CACNB2: variants seen among roughly 807,000 people sequenced by gnomAD.
CACNB2 encodes calcium voltage-gated channel auxiliary subunit beta 2, also known as voltage-dependent L-type calcium channel subunit beta-2.
Under a neutral mutation model 73.3 loss-of-function variants are expected in CACNB2, and 42 were observed. That is an observed-to-expected ratio of 0.57 (90% CI 0.45 to 0.74). The LOEUF is 0.74. Among genes scored for constraint, CACNB2 ranks in the 30% least tolerant of loss-of-function variants. The probability of loss-of-function intolerance (pLI) is 0.00; values close to 1 mark genes in which losing one functional copy is unlikely to be tolerated. For missense variants in CACNB2, 940 were observed against 853.0 expected, an observed-to-expected ratio of 1.10 and a Z score of -1.27; for synonymous variants, 348 against 310.3, an observed-to-expected ratio of 1.12 and a Z score of -1.28.
At chr10:18,195,068 A>T (rs983384632) in intron 2 of CACNB2, among the ~76,000 whole-genome samples, 1 of 152,206 alleles carries the variant, frequency 6.6e-6, no homozygotes, top group Non-Finnish European at 1.5e-5. Context: ...TAATGAAGAT[A>T]TGGCATTTCT....
At chr10:18,152,722 A>C (rs1241097729) in intron 2 of CACNB2, among the ~76,000 whole-genome samples, 5 of 133,630 alleles carry the variant, frequency 3.7e-5, no homozygotes, top group South Asian at 2.3e-4. Flanking sequence ...AAAAAAAAAA[A>C]AAAAAAAAAA....
chr10:18,404,514 T>C (rs1317182493), intron 3 of CACNB2, among the ~76,000 whole-genome samples: 1 of 152,254 alleles, frequency 6.6e-6, no homozygotes, highest in Admixed American at 6.5e-5. Context: ...AAAAACACTT[T>C]GCACAGCCAT....
chr10:18,472,683 T>A (rs891394719), intron 3 of CACNB2, among the ~76,000 whole-genome samples: 3 of 152,218 alleles, frequency 2.0e-5, no homozygotes, highest in African/African-American at 7.2e-5. Context: ...GTTTTAAAAT[T>A]GTGTCTGATA....
intron 2 of CACNB2, among the ~76,000 whole-genome samples, chr10:18,389,431 G>T (rs867316805): frequency 6.6e-6 from 1 of 152,174 alleles, no homozygotes; most frequent in Admixed American, 6.5e-5. Context: ...GAGTCACTGT[G>T]CCTTGCCTCT....
chr10:18,193,005 G>A (rs547629901), intron 2 of CACNB2, among the ~76,000 whole-genome samples: 226 of 152,172 alleles, frequency 1.5e-3, no homozygotes, highest in African/African-American at 4.9e-3. Context: ...GGATATATAC[G>A]TAGAAATAGA....
intron 2 of CACNB2, among the ~76,000 whole-genome samples, chr10:18,370,234 A>C (rs989275734): frequency 1.3e-5 from 2 of 152,218 alleles, no homozygotes; most frequent in African/African-American, 2.4e-5. Context: ...TGCTCCCTGC[A>C]CCAGGAGTGC....
intron 9 of CACNB2, among the ~76,000 whole-genome samples, chr10:18,526,188 C>T (rs1345490426): frequency 6.6e-6 from 1 of 152,172 alleles, no homozygotes; most frequent in Non-Finnish European, 1.5e-5. Context: ...ATCTTTGGGT[C>T]CTTACAATTT....
At chr10:18,199,461 C>T (rs1827931286) in intron 2 of CACNB2, among the ~76,000 whole-genome samples, 1 of 152,042 alleles carries the variant, frequency 6.6e-6, no homozygotes, top group Non-Finnish European at 1.5e-5. Context: ...CCCGAGATGA[C>T]ATGGGGCAGA....
chr10:18,537,077 T>C (rs1415950338), intron 12 of CACNB2, among the ~76,000 whole-genome samples: 1 of 152,080 alleles, frequency 6.6e-6, no homozygotes, highest in African/African-American at 2.4e-5. Context: ...AACCTCTGCC[T>C]CCCGGGCTCA....
chr10:18,412,813 T>TC (rs2044710250), intron 3 of CACNB2, among the ~76,000 whole-genome samples: 1 of 152,224 alleles, frequency 6.6e-6, no homozygotes, highest in Non-Finnish European at 1.5e-5. Context: ...GTCATTGGTT[T>TC]CCAGACTGAG....
At chr10:18,276,269 T>C (rs1445923470) in intron 2 of CACNB2, among the ~76,000 whole-genome samples, 4 of 152,306 alleles carry the variant, frequency 2.6e-5, no homozygotes, top group African/African-American at 7.2e-5. Context: ...GCCAATCTTA[T>C]TGGAAACGTC....
At chr10:18,376,737 G>A (rs1020786969) in intron 2 of CACNB2, among the ~76,000 whole-genome samples, 6 of 152,136 alleles carry the variant, frequency 3.9e-5, no homozygotes, top group African/African-American at 1.4e-4. Context: ...CCAGCTCGGA[G>A]GAGGGTTATC....
chr10:18,425,294 T>C (rs2045537927), intron 3 of CACNB2, among the ~76,000 whole-genome samples: 1 of 152,226 alleles, frequency 6.6e-6, no homozygotes, highest in Non-Finnish European at 1.5e-5. Flanking sequence ...GTCACATTTA[T>C]ATAGCATTCT....
chr10:18,459,055 G>A (rs1048320170), intron 3 of CACNB2, among the ~76,000 whole-genome samples: 14 of 152,134 alleles, frequency 9.2e-5, no homozygotes, highest in Admixed American at 2.0e-4. Context: ...GCGAGCCACT[G>A]CACCTGGCCC....
At chr10:18,536,478 TCTAGAA>T (rs2133308714) in intron 12 of CACNB2, among the ~76,000 whole-genome samples, 1 of 151,510 alleles carries the variant, frequency 6.6e-6, no homozygotes, top group South Asian at 2.1e-4. Flanking sequence ...CCCAGGCTGG[TCTAGAA>T]CTCCTGGCCT....
At chr10:18,385,125 C>CA (rs1383478469) in intron 2 of CACNB2, among the ~76,000 whole-genome samples, 4 of 151,554 alleles carry the variant, frequency 2.6e-5, no homozygotes, top group South Asian at 2.1e-4. Flanking sequence ...ACTAAAAATA[C>CA]AAAAAAAATT....
intron 2 of CACNB2, among the ~76,000 whole-genome samples, chr10:18,247,304 C>A (rs886282129): frequency 1.3e-5 from 2 of 152,130 alleles, no homozygotes; most frequent in Admixed American, 1.3e-4. Flanking sequence ...GTATCTTTTT[C>A]CTTGATCAGT....
At chr10:18,314,862 T>G (rs1220005985) in intron 2 of CACNB2, among the ~76,000 whole-genome samples, 1 of 152,168 alleles carries the variant, frequency 6.6e-6, no homozygotes, top group Non-Finnish European at 1.5e-5. Context: ...ACCAAAAGAT[T>G]AAAAAACACT....
chr10:18,420,056 G>A (rs2045235977), intron 3 of CACNB2, among the ~76,000 whole-genome samples: 1 of 152,104 alleles, frequency 6.6e-6, no homozygotes, highest in South Asian at 2.1e-4. Context: ...GACCAGGCGT[G>A]CCCAACCCCC....
Sources: gnomAD v4.1 joint callset for allele counts (sites outside exome capture counted in the v4.1 genomes callset) on GRCh38, gnomAD v4.1.1 for gene constraint, MANE v1.5 for transcripts, NCBI Gene and HGNC (gene_info 2026-07-23, HGNC 2026-07-21) for gene names.